The following DRC11 variants were observed in gnomAD, a reference collection of about 807,000 sequenced individuals.
The protein encoded by DRC11 is dynein regulatory complex subunit 11.
the DRC11 span, among the ~76,000 whole-genome samples, chr2:236,321,165 T>C: frequency 6.6e-6 from 1 of 151,272 alleles, no homozygotes; most frequent in Non-Finnish European, 1.5e-5. Context: ...TATTTATTTA[T>C]TTTTTTTTGG....
chr2:236,360,805 C>T, the DRC11 span, among the ~76,000 whole-genome samples: 1 of 152,124 alleles, frequency 6.6e-6, no homozygotes, highest in Non-Finnish European at 1.5e-5. This position sits in a 1 kb window ranked among gnomAD's most constrained non-coding sequence, Gnocchi z 5.8. Flanking sequence ...AGACCATATT[C>T]CAGGACTAAG....
chr2:236,479,243 C>G, the DRC11 span, among the ~76,000 whole-genome samples: 1 of 152,092 alleles, frequency 6.6e-6, no homozygotes, highest in African/African-American at 2.4e-5. The surrounding 1 kb of genome is among the most constrained non-coding windows in gnomAD (Gnocchi z 4.1). Context: ...ATAGGTGAAA[C>G]TGGCTTCCTG....
chr2:236,319,699 C>T, the DRC11 span, among the ~76,000 whole-genome samples: 29 of 152,134 alleles, frequency 1.9e-4, no homozygotes, highest in Non-Finnish European at 4.0e-4. This position sits in a 1 kb window ranked among gnomAD's most constrained non-coding sequence, Gnocchi z 6.7. Flanking sequence ...GCTGATTGTA[C>T]CCTCTGTGCC....
chr2:236,368,181 G>T, the DRC11 span: 47 of 1,524,216 alleles, frequency 3.1e-5, no homozygotes, highest in Non-Finnish European at 4.2e-5. Context: ...ATCCGCGCAC[G>T]CCGAGTCTTT....
chr2:236,356,501 G>A, the DRC11 span, among the ~76,000 whole-genome samples: 3 of 152,224 alleles, frequency 2.0e-5, no homozygotes, highest in Non-Finnish European at 4.4e-5. Flanking sequence ...GGGGGGCCAC[G>A]CGACGGTCTT....
the DRC11 span, among the ~76,000 whole-genome samples, chr2:236,400,135 C>T: frequency 6.6e-6 from 1 of 152,214 alleles, no homozygotes; most frequent in Non-Finnish European, 1.5e-5. The surrounding 1 kb of genome is among the most constrained non-coding windows in gnomAD (Gnocchi z 7.9). Flanking sequence ...TACTCCGAGT[C>T]CTTTGCTGAG....
chr2:236,433,301 C>T, the DRC11 span, among the ~76,000 whole-genome samples: 1 of 152,062 alleles, frequency 6.6e-6, no homozygotes. Context: ...CAATATAATG[C>T]TATTGGTATT....
the DRC11 span, among the ~76,000 whole-genome samples, chr2:236,506,357 C>T: frequency 6.6e-6 from 1 of 152,218 alleles, no homozygotes; most frequent in African/African-American, 2.4e-5. The surrounding 1 kb of genome is among the most constrained non-coding windows in gnomAD (Gnocchi z 4.9). Context: ...AACCCAAGAT[C>T]TGAATATTTT....
the DRC11 span, among the ~76,000 whole-genome samples, chr2:236,319,912 C>T: frequency 2.0e-5 from 3 of 152,174 alleles, no homozygotes; most frequent in Non-Finnish European, 2.9e-5. The surrounding 1 kb of genome is among the most constrained non-coding windows in gnomAD (Gnocchi z 6.7). Flanking sequence ...TCATGTTCAT[C>T]GCATGGATCT....
At chr2:236,318,571 G>GTGT in the DRC11 span, among the ~76,000 whole-genome samples, 160 of 149,346 alleles carry the variant, frequency 1.1e-3, no homozygotes, top group African/African-American at 4.0e-3. This position sits in a 1 kb window ranked among gnomAD's most constrained non-coding sequence, Gnocchi z 7.0. Flanking sequence ...TGGTCCATGT[G>GTGT]TGTGTTTGTG....
chr2:236,333,124 G>A, the DRC11 span: 1 of 152,222 alleles, frequency 6.6e-6, no homozygotes, highest in African/African-American at 2.4e-5. The surrounding 1 kb of genome is among the most constrained non-coding windows in gnomAD (Gnocchi z 6.0). Flanking sequence ...GCTTGGAAGT[G>A]CAGCAGCCCG....
the DRC11 span, among the ~76,000 whole-genome samples, chr2:236,422,261 C>G: frequency 6.6e-6 from 1 of 152,140 alleles, no homozygotes; most frequent in African/African-American, 2.4e-5. Context: ...AAGAGGAAGT[C>G]AAATTGTCCC....
At chr2:236,359,125 G>A in the DRC11 span, among the ~76,000 whole-genome samples, 21 of 152,174 alleles carry the variant, frequency 1.4e-4, no homozygotes, top group Non-Finnish European at 2.8e-4. This position sits in a 1 kb window ranked among gnomAD's most constrained non-coding sequence, Gnocchi z 4.3. Flanking sequence ...ACGCTTCAGC[G>A]GCCCCCTGGA....
At chr2:236,502,206 T>C in the DRC11 span, among the ~76,000 whole-genome samples, 3 of 152,136 alleles carry the variant, frequency 2.0e-5, no homozygotes, top group African/African-American at 4.8e-5. Context: ...GTAATTAATA[T>C]AAACCATTTT....
the DRC11 span, among the ~76,000 whole-genome samples, chr2:236,319,302 C>T: frequency 7.2e-5 from 11 of 152,284 alleles, no homozygotes; most frequent in East Asian, 3.9e-4. This position sits in a 1 kb window ranked among gnomAD's most constrained non-coding sequence, Gnocchi z 6.7. Flanking sequence ...TTACTCCTCA[C>T]GATAGCGCAG....
the DRC11 span, among the ~76,000 whole-genome samples, chr2:236,325,364 C>T: frequency 3.3e-5 from 5 of 152,104 alleles, no homozygotes; most frequent in African/African-American, 1.2e-4. This position sits in a 1 kb window ranked among gnomAD's most constrained non-coding sequence, Gnocchi z 4.4. Flanking sequence ...TGTTATTTAT[C>T]GATTCTCCTA....
At chr2:236,446,316 C>T in the DRC11 span, among the ~76,000 whole-genome samples, 30 of 152,128 alleles carry the variant, frequency 2.0e-4, no homozygotes, top group Non-Finnish European at 3.8e-4. The surrounding 1 kb of genome is among the most constrained non-coding windows in gnomAD (Gnocchi z 6.2). Flanking sequence ...CAGATGATCA[C>T]AGACCAGTGA....
chr2:236,474,913 A>G, the DRC11 span, among the ~76,000 whole-genome samples: 1 of 152,146 alleles, frequency 6.6e-6, no homozygotes, highest in East Asian at 1.9e-4. Flanking sequence ...GTAATGTGTA[A>G]TGATCAAATT....
the DRC11 span, among the ~76,000 whole-genome samples, chr2:236,309,026 C>G: frequency 6.6e-6 from 1 of 152,208 alleles, no homozygotes; most frequent in Non-Finnish European, 1.5e-5. This position sits in a 1 kb window ranked among gnomAD's most constrained non-coding sequence, Gnocchi z 5.7. Flanking sequence ...TTCCGGGCAG[C>G]ACCTGGCAGG....
Sources: gnomAD v4.1 joint callset for allele counts (sites outside exome capture counted in the v4.1 genomes callset) on GRCh38, gnomAD v4.1.1 for gene constraint, Gnocchi (gnomAD v3.1) non-coding constraint, MANE v1.5 for transcripts, NCBI Gene and HGNC (gene_info 2026-07-23, HGNC 2026-07-21) for gene names.